Variants in ARPIN observed in about 807,000 individuals in gnomAD.
ARPIN encodes the protein UPF0552 protein C15orf38.
Under a neutral mutation model 25.9 loss-of-function variants are expected in ARPIN, and 23 were observed. That is an observed-to-expected ratio of 0.89 (90% CI 0.64 to 1.26). ARPIN has a LOEUF of 1.26. Among genes scored for constraint, ARPIN ranks in the 50% most tolerant of loss-of-function variants. ARPIN has a pLI of 0.00. For synonymous variants in ARPIN, 126 were observed against 131.4 expected (o/e 0.96, Z 0.28); for missense variants, 333 against 312.2 (o/e 1.07, Z -0.50).
rs1897074250 is a variant in ARPIN, at chr15:89,903,983, T to C, written c.302A>G (p.Lys101Arg). 2 of 1,604,298 alleles carry C rather than the reference T, an allele frequency of 1.2e-6. No individual in the cohort carries two copies. The highest frequency in any genetic ancestry group is 2.2e-5 in the East Asian group (1 of 44,792). ...GTCAGTGTCCCCCTTGGCTTCCACCTCTGCAGGCACAGAGCGCAGGAGGGT... is the reference window on the plus strand; with the variant it reads ...GTCAGTGTCCCCCTTGGCTTCCACCCCTGCAGGCACAGAGCGCAGGAGGGT... ...VNTGFLMSSY[K>R]VEAKGDTDRL... Residue 101 changes from lysine to arginine, a missense_variant and splice_region_variant, in exon 4 of 6, where the codon AAG (lysine) becomes AGG (arginine). Lys to Arg is a conservative substitution (Grantham distance 26). Transcript: ENST00000357484.
Position 89,896,825 on chromosome 15 carries a change from A to T in ARPIN, c.*4970T>A, listed in dbSNP as rs1490739271. The T allele has an allele frequency of 2.0e-5, 3 of 152,208 alleles. No homozygotes were observed. Among genetic ancestry groups the T allele is most frequent in the Non-Finnish European group, 4.4e-5 (3 of 68,050 alleles). 9.4% of individuals were successfully genotyped at this position (152,208 alleles called of 1,614,324 possible). A position where few individuals can be genotyped will look rare whatever the true frequency, so the allele number is the denominator to read the frequency against. On this transcript the variant is annotated 3_prime_UTR_variant, in exon 6 of 6. Transcript: ENST00000357484. ...GAAAGGCAAATTAAAATATATTCAA[A>T]TATTATTTTCACCTCATCAAAAATC...
chr15:89,904,715 A>T (rs925831559), intron 3 of ARPIN, among the ~76,000 whole-genome samples: 3 of 152,094 alleles, frequency 2.0e-5, no homozygotes, highest in Non-Finnish European at 4.4e-5. Context: ...CAGCACAGCA[A>T]CCCCGGAGCT....
At position 89,903,281 on chromosome 15, in the gene ARPIN, T is replaced by C; in HGVS notation, c.607A>G (p.Lys203Glu). Residue 203 changes from lysine (K) to glutamate (E), a missense_variant, in exon 5 of 6, where the codon AAG becomes GAG. Transcript: ENST00000357484. The part of the protein sequence containing the change: ...ASWTDNIMAQ[K>E]CSKGAAAEIR... ...TCCGCTGCAGCCCCCTTCGAACACT[T>C]TTGGGCCATGATGTTGTCTGTCCAG... 3 of 1,614,168 alleles carry C rather than the reference T, an allele frequency of 1.9e-6. No individual in the cohort carries two copies. Among genetic ancestry groups the C allele is most frequent in the Non-Finnish European group, 2.5e-6 (3 of 1,180,032 alleles).
At chr15:89,912,663 T>TGGGGGGGCCCCCC in intron 1 of ARPIN, 81 bp downstream of exon 1, 2 of 871,112 alleles carry the variant, frequency 2.3e-6, no homozygotes, top group East Asian at 1.0e-4. Flanking sequence ...CCCACCCGCA[T>TGGGGGGGCCCCCC]CCCACCCCCC....
In ARPIN at chr15:89,912,882, T is replaced by A. The variant is rs2141931172; in HGVS notation, c.-47A>T. 1 of 1,477,770 alleles carries A rather than the reference T, an allele frequency of 6.8e-7. No homozygotes were observed. Among genetic ancestry groups the A allele is most frequent in the East Asian group, 2.9e-5 (1 of 34,750 alleles). 91.5% of individuals were successfully genotyped at this position (1,477,770 alleles called of 1,614,324 possible). A position where few individuals can be genotyped will look rare whatever the true frequency, so the allele number is the denominator to read the frequency against. ...CCGGCACAGAGCCGGCGCACTGGGC[T>A]GGGGGCGCGGCGCGGGAAGTGCTGC... On this transcript the variant is annotated 5_prime_UTR_variant, in exon 1 of 6. Coordinates refer to ENST00000357484, the MANE Select transcript of ARPIN (RefSeq NM_182616.4).
At position 89,912,861 on chromosome 15, in the gene ARPIN, C is replaced by T; in HGVS notation, c.-26G>A. The T allele has an allele frequency of 6.6e-7, 1 of 1,512,356 alleles. No individual in the cohort carries two copies. The highest frequency in any genetic ancestry group is 8.8e-7 in the Non-Finnish European group (1 of 1,134,424). The allele number at this position is 1,512,356 out of a possible 1,614,324, so 93.7% of individuals were successfully genotyped here. ...TCTCCCGACCGCCCGGGCACCCCGG[C>T]ACAGAGCCGGCGCACTGGGCTGGGG... On this transcript the variant is annotated 5_prime_UTR_variant, in exon 1 of 6. Transcript: ENST00000357484.
At chr15:89,912,683 C>T (rs1464302833) in intron 1 of ARPIN, 61 bp downstream of exon 1, 1 of 1,247,134 alleles carries the variant, frequency 8.0e-7, no homozygotes, top group Non-Finnish European at 1.0e-6. Flanking sequence ...CCACCCGATC[C>T]TGTTGCGGGG....
At chr15:89,906,239 G>T (rs1477739456) in intron 3 of ARPIN, among the ~76,000 whole-genome samples, 1 of 152,110 alleles carries the variant, frequency 6.6e-6, no homozygotes, top group African/African-American at 2.4e-5. Flanking sequence ...ACACAGACCT[G>T]ATCACATCAC....
intron 2 of ARPIN, among the ~76,000 whole-genome samples, chr15:89,910,462 C>G (rs1199498341): frequency 6.6e-6 from 1 of 152,186 alleles, no homozygotes; most frequent in Non-Finnish European, 1.5e-5. Context: ...TCAGGCAAGA[C>G]TGGGGTTTAG....
chr15:89,902,206 C>T (rs1436708978), intron 5 of ARPIN, among the ~76,000 whole-genome samples: 5 of 151,970 alleles, frequency 3.3e-5, no homozygotes, highest in Non-Finnish European at 7.4e-5. Flanking sequence ...GTCGGGAATT[C>T]GAGACCAACC....
At chr15:89,907,079 T>G (rs1567196246) in intron 3 of ARPIN, among the ~76,000 whole-genome samples, 1 of 150,576 alleles carries the variant, frequency 6.6e-6, no homozygotes, top group Non-Finnish European at 1.5e-5. Flanking sequence ...TTATTACTAT[T>G]TTTTTTTGAA....
At position 89,901,538 on chromosome 15, in the gene ARPIN, T is replaced by A; in HGVS notation, c.*257A>T. On this transcript the variant is annotated 3_prime_UTR_variant, in exon 6 of 6. Coordinates refer to ENST00000357484, the MANE Select transcript of ARPIN (RefSeq NM_182616.4). The stretch of plus-strand genomic sequence containing the variant: ...CTAATTTTTTTTTAAAGGGTCATCA[T>A]GTAATGTCTAGGAAGGCTAGACTCA... The A allele has an allele frequency of 1.9e-6, 1 of 534,224 alleles. No homozygotes were observed. Among genetic ancestry groups the A allele is most frequent in the South Asian group, 2.4e-5 (1 of 42,140 alleles). 33.1% of individuals were successfully genotyped at this position (534,224 alleles called of 1,614,324 possible).
At chr15:89,902,701 C>T in intron 5 of ARPIN, 2 of 357,242 alleles carry the variant, frequency 5.6e-6, no homozygotes, top group Non-Finnish European at 8.1e-6. Context: ...GAGACTCCAT[C>T]TCCCAAAAAA....
chr15:89,909,135 G>A (rs1478648033), intron 2 of ARPIN, among the ~76,000 whole-genome samples: 1 of 152,174 alleles, frequency 6.6e-6, no homozygotes, highest in African/African-American at 2.4e-5. Context: ...CCAACAGCCT[G>A]GGACAAACCA....
rs1185605115 is a variant in ARPIN, at chr15:89,898,342, T to C, written c.*3453A>G. ...CAATGCAAGTGGGGGAGTGACCTGC[T>C]CTGGGAACAGCCAGCCCCTCCATGG... On this transcript the variant is annotated 3_prime_UTR_variant, in exon 6 of 6. Coordinates refer to ENST00000357484, the MANE Select transcript of ARPIN (RefSeq NM_182616.4). The C allele has an allele frequency of 6.6e-6, 1 of 152,058 alleles. No homozygotes were observed. The highest frequency in any genetic ancestry group is 6.6e-5 in the Admixed American group (1 of 15,246). The allele number at this position is 152,058 out of a possible 1,614,324, so 9.4% of individuals were successfully genotyped here.
chr15:89,908,732 C>T (rs1226343687), intron 2 of ARPIN, among the ~76,000 whole-genome samples: 1 of 152,082 alleles, frequency 6.6e-6, no homozygotes, highest in Non-Finnish European at 1.5e-5. Flanking sequence ...GTCTGTAATC[C>T]CAGCACTTTG....
At chr15:89,908,451 T>C in intron 2 of ARPIN, 39 bp from the exon 3 acceptor site, 1 of 1,611,122 alleles carries the variant, frequency 6.2e-7, no homozygotes. Flanking sequence ...GGCGGCTTCA[T>C]CCCACAACAC....
chr15:89,905,044 T>TG (rs1897095473), intron 3 of ARPIN, among the ~76,000 whole-genome samples: 1 of 148,920 alleles, frequency 6.7e-6, no homozygotes, highest in Non-Finnish European at 1.5e-5. Context: ...TTTTTTGAGA[T>TG]GGAGTTTCGC....
intron 2 of ARPIN, 87 bp from the exon 3 acceptor site, chr15:89,908,499 A>C: frequency 2.5e-6 from 4 of 1,574,032 alleles, no homozygotes; most frequent in Non-Finnish European, 2.6e-6. Context: ...CGCCAACCTC[A>C]CATCTACCCT....
Sources: gnomAD v4.1 joint callset for allele counts (sites outside exome capture counted in the v4.1 genomes callset) on GRCh38, gnomAD v4.1.1 for gene constraint, MANE v1.5 for transcripts, NCBI Gene and HGNC (gene_info 2026-07-23, HGNC 2026-07-21) for gene names.